DMXL2: variants seen among roughly 807,000 people sequenced by gnomAD.
The protein encoded by DMXL2 is dmX-like protein 2.
A neutral mutation model predicts 331.1 loss-of-function variants in DMXL2; 103 were observed. That is an observed-to-expected ratio of 0.31 (90% CI 0.27 to 0.37). The LOEUF (loss-of-function observed/expected upper bound fraction) is 0.37. Among genes scored for constraint, DMXL2 ranks in the 10% least tolerant of loss-of-function variants. DMXL2 has a pLI of 1.00. For synonymous variants in DMXL2, 1,281 were observed against 1,252.1 expected (o/e 1.02, Z -0.49); for missense variants, 3,171 against 3,642.9 (o/e 0.87, Z 3.33).
Position 51,467,585 on chromosome 15 carries a change from A to C in DMXL2, c.7393-1274T>G, listed in dbSNP as rs574127511. On this transcript the variant is annotated intron_variant, in intron 29 of 43. Coordinates refer to ENST00000560891, the MANE Select transcript of DMXL2 (RefSeq NM_001378457.1). Reference sequence around the variant, plus strand: ...TCTATCAAATTAACAAAAATGAAAAAGGAATACTTAATGCTAATAAGGGGG... The same window carrying C: ...TCTATCAAATTAACAAAAATGAAAACGGAATACTTAATGCTAATAAGGGGG... Among the ~76,000 whole-genome samples the C allele has an allele frequency of 6.6e-5, 10 of 152,326 alleles. No individual in the cohort carries two copies. In the East Asian group the frequency reaches 1.9e-3, roughly 29 times the overall value.
chr15:51,560,994 A>T (rs892865216), intron 6 of DMXL2, among the ~76,000 whole-genome samples: 6 of 41,358 alleles, frequency 1.5e-4, no homozygotes, highest in Non-Finnish European at 3.2e-4. Context: ...TTTGTAATTT[A>T]AAAAAAATCA....
At chr15:51,501,064 C>T (rs1040919752) in intron 17 of DMXL2, among the ~76,000 whole-genome samples, 14 of 152,086 alleles carry the variant, frequency 9.2e-5, no homozygotes, top group Non-Finnish European at 1.3e-4. Context: ...TTTATTATCA[C>T]GAACTCCAAT....
At chr15:51,498,498 A>T in intron 18 of DMXL2, 54 bp downstream of exon 18, 2 of 1,527,708 alleles carry the variant, frequency 1.3e-6, no homozygotes, top group Non-Finnish European at 1.8e-6. Flanking sequence ...TATAGAGATA[A>T]TACAAATATT....
intron 1 of DMXL2, among the ~76,000 whole-genome samples, chr15:51,595,012 A>C (rs143311867): frequency 6.6e-6 from 1 of 151,152 alleles, no homozygotes; most frequent in African/African-American, 2.4e-5. Context: ...AACTGGCACA[A>C]GACAGGGATG....
chr15:51,583,055 T>G (rs894831226), intron 1 of DMXL2, among the ~76,000 whole-genome samples: 1 of 151,256 alleles, frequency 6.6e-6, no homozygotes, highest in East Asian at 1.9e-4. Context: ...TAGTTAACAA[T>G]GTATCTTGAA....
chr15:51,459,820 CAAAT>C, intron 33 of DMXL2, 160 bp from the exon 34 acceptor site: 3 of 1,181,850 alleles, frequency 2.5e-6, no homozygotes, highest in Non-Finnish European at 3.2e-6. Flanking sequence ...AAACAGTCAT[CAAAT>C]AAACACAACA....
At chr15:51,557,271 T>C (rs1419425939) in intron 6 of DMXL2, among the ~76,000 whole-genome samples, 1 of 152,186 alleles carries the variant, frequency 6.6e-6, no homozygotes, top group Non-Finnish European at 1.5e-5. Context: ...ATTTACATGA[T>C]GATTCCATTT....
intron 23 of DMXL2, among the ~76,000 whole-genome samples, chr15:51,483,642 A>G (rs2042177769): frequency 6.6e-6 from 1 of 150,986 alleles, no homozygotes; most frequent in South Asian, 2.1e-4. Flanking sequence ...GACCTCAGAA[A>G]CAGCGTGCAG....
At chr15:51,596,568 T>C (rs1396116587) in intron 1 of DMXL2, among the ~76,000 whole-genome samples, 1 of 152,210 alleles carries the variant, frequency 6.6e-6, no homozygotes, top group African/African-American at 2.4e-5. Context: ...ATCCCATTAC[T>C]GGGTATATAC....
At chr15:51,484,139 A>T (rs958634115) in intron 23 of DMXL2, among the ~76,000 whole-genome samples, 18 of 152,052 alleles carry the variant, frequency 1.2e-4, no homozygotes, top group African/African-American at 3.9e-4. Flanking sequence ...GGGCCTGAGA[A>T]ATAGCCTTAT....
Position 51,481,494 on chromosome 15 carries a change from T to G in DMXL2, c.5612A>C (p.Lys1871Thr), listed in dbSNP as rs1162258848. 1.9e-6 allele frequency: 3 copies of G among 1,613,602 alleles called. No individual in the cohort carries two copies. The South Asian group carries it at 3.3e-5, about 18-fold the overall frequency. ...GAGGTTAATTTTATCAACAAAGTTCTTCTCAGTTTTGAGACCTAAGGTTGC... is the reference window on the plus strand; with the variant it reads ...GAGGTTAATTTTATCAACAAAGTTCGTCTCAGTTTTGAGACCTAAGGTTGC... ...TLATLGLKTE[K>T]NFVDKINLIE... The change falls in exon 24 of 44, where the codon AAG becomes ACG. Residue 1871 changes from lysine to threonine, a missense_variant. This residue lies in a region of DMXL2 where 244 missense variants were observed against 251.4 expected (regional missense o/e 0.97). Transcript: ENST00000560891.
rs1254314974 is a variant in DMXL2, at chr15:51,564,276, T to A, written c.365-16A>T. 1 of 1,554,576 alleles carries A rather than the reference T, an allele frequency of 6.4e-7. No homozygotes were observed. Among genetic ancestry groups the A allele is most frequent in the African/African-American group, 1.4e-5 (1 of 71,458 alleles). ...AATCTATTATCTGAAAATTAAAGAA[T>A]GTTATGATGAATATGCAAATATTAT... On this transcript the variant is annotated splice_polypyrimidine_tract_variant and intron_variant, in intron 4 of 43. Coordinates refer to ENST00000560891, the MANE Select transcript of DMXL2 (RefSeq NM_001378457.1).
At chr15:51,466,151 A>G in intron 30 of DMXL2, 33 bp downstream of exon 30, 1 of 1,517,368 alleles carries the variant, frequency 6.6e-7, no homozygotes, top group African/African-American at 1.5e-5. Flanking sequence ...GAAAAGCCAA[A>G]AAAAAAATGA....
Position 51,480,956 on chromosome 15 carries a change from G to A in DMXL2, c.6150C>T (p.Ile2050=), listed in dbSNP as rs2041967069. Residue 2050 remains isoleucine (I), a synonymous_variant, in exon 24 of 44, where the codon ATC becomes ATT. Transcript: ENST00000560891. ...EQLKFRACLK[I]LMTELRTLAT... is the part of the protein sequence containing the mutation. Reference sequence around the variant, plus strand: ...CCAATGTTCTTAATTCAGTCATAAGGATCTTTAAACAAGCTCTGAATTTTA... The same window carrying A: ...CCAATGTTCTTAATTCAGTCATAAGAATCTTTAAACAAGCTCTGAATTTTA... The A allele has an allele frequency of 4.3e-6, 7 of 1,613,962 alleles. No individual in the cohort carries two copies. The highest frequency in any genetic ancestry group is 5.9e-6 in the Non-Finnish European group (7 of 1,179,954).
intron 17 of DMXL2, 72 bp downstream of exon 17, chr15:51,502,734 A>G: frequency 1.0e-6 from 1 of 981,508 alleles, no homozygotes; most frequent in East Asian, 2.4e-5. Context: ...GAGTTCATCT[A>G]TTTTATCCAC....
At chr15:51,468,550 G>T (rs2040807423) in intron 29 of DMXL2, among the ~76,000 whole-genome samples, 1 of 152,154 alleles carries the variant, frequency 6.6e-6, no homozygotes, top group Admixed American at 6.5e-5. Context: ...TCATCATTTT[G>T]AAAACTGGTA....
chr15:51,614,996 A>G (rs930387788), intron 1 of DMXL2, among the ~76,000 whole-genome samples: 2 of 152,236 alleles, frequency 1.3e-5, no homozygotes, highest in Non-Finnish European at 2.9e-5. Context: ...AGCAGTAGAG[A>G]TAAGAAGTAA....
intron 13 of DMXL2, among the ~76,000 whole-genome samples, chr15:51,523,232 T>C (rs941175254): frequency 4.1e-4 from 63 of 152,214 alleles, no homozygotes; most frequent in African/African-American, 1.3e-3. Flanking sequence ...GCAGAAATAA[T>C]GGAAATGTGA....
chr15:51,527,983 T>G (rs533368885), intron 13 of DMXL2, among the ~76,000 whole-genome samples: 1 of 151,574 alleles, frequency 6.6e-6, no homozygotes, highest in South Asian at 2.1e-4. Context: ...TTTTGCTTGT[T>G]TATTTATGCA....
Sources: gnomAD v4.1 joint callset for allele counts (sites outside exome capture counted in the v4.1 genomes callset) on GRCh38, gnomAD v4.1.1 for gene constraint, gnomAD v4.1.1 regional missense constraint, MANE v1.5 for transcripts, NCBI Gene and HGNC (gene_info 2026-07-23, HGNC 2026-07-21) for gene names.